Variants in SETDB1 observed in about 807,000 individuals in gnomAD.
The protein encoded by SETDB1 is histone-lysine N-methyltransferase SETDB1.
A neutral mutation model predicts 137.4 loss-of-function variants in SETDB1; 31 were observed. The ratio of observed to expected loss-of-function variants is 0.23; its 90% CI spans 0.17 to 0.30. The LOEUF is 0.30. Ranked by LOEUF, SETDB1 falls within the 10% of genes least tolerant of loss-of-function variation. The pLI is 1.00. For synonymous variants in SETDB1, 548 were observed against 579.9 expected (o/e 0.95, Z 0.79); for missense variants, 1,113 against 1,631.5 (o/e 0.68, Z 5.47).
At chr1:150,955,238 AT>A (rs753543795) in intron 14 of SETDB1, among the ~76,000 whole-genome samples, 4 of 152,248 alleles carry the variant, frequency 2.6e-5, no homozygotes, top group Non-Finnish European at 4.4e-5. Flanking sequence ...GAGTGTTCAT[AT>A]CTTTTTTACA....
Position 150,951,501 on chromosome 1 carries a change from C to A in SETDB1, c.2333+20C>A. On this transcript the variant is annotated intron_variant, in intron 14 of 21. Transcript: ENST00000692827. ...CACAGGGTAAGTGGTCAAGGAATGGCACAGTACCTCAGAGAGACTGAGGAG... is the reference window on the plus strand; with the variant it reads ...CACAGGGTAAGTGGTCAAGGAATGGAACAGTACCTCAGAGAGACTGAGGAG... 2 of 1,217,220 alleles carry A rather than the reference C, an allele frequency of 1.6e-6. No individual in the cohort carries two copies. The highest frequency in any genetic ancestry group is 2.4e-6 in the Non-Finnish European group (2 of 818,090). 75.4% of individuals were successfully genotyped at this position (1,217,220 alleles called of 1,614,324 possible).
rs763582266 is a variant in SETDB1 at position 150,951,113 on chromosome 1, T to C, written c.2216+23T>C. 5 of 1,589,574 alleles carry C rather than the reference T, an allele frequency of 3.1e-6. No individual in the cohort carries two copies. The South Asian group carries it at 3.4e-5, about 11-fold the overall frequency. Reference sequence around the variant, plus strand: ...CAAGTGAGTTGGTGGGGGGAATTGCTGCCCCTGCTTCCAACTTTGTTATGG... The same window carrying C: ...CAAGTGAGTTGGTGGGGGGAATTGCCGCCCCTGCTTCCAACTTTGTTATGG... On this transcript the variant is annotated intron_variant, in intron 13 of 21. Coordinates refer to ENST00000692827, the MANE Select transcript of SETDB1 (RefSeq NM_001366418.1).
At chr1:150,962,830 T>C in intron 18 of SETDB1, 111 bp downstream of exon 18, 4 of 1,460,796 alleles carry the variant, frequency 2.7e-6, no homozygotes, top group Non-Finnish European at 3.8e-6. Flanking sequence ...TCTTTAGCCT[T>C]GACTTCCTGC....
At chr1:150,946,221 G>A (rs587657373) in intron 9 of SETDB1, among the ~76,000 whole-genome samples, 12 of 151,882 alleles carry the variant, frequency 7.9e-5, no homozygotes, top group African/African-American at 2.7e-4. Context: ...GTTTCGCCAT[G>A]TTGCCCAGGC....
intron 14 of SETDB1, among the ~76,000 whole-genome samples, chr1:150,951,784 G>A (rs1028196312): frequency 6.6e-6 from 1 of 152,178 alleles, no homozygotes; most frequent in Non-Finnish European, 1.5e-5. Context: ...ACACTTGTAA[G>A]TGAAATGTGT....
intron 7 of SETDB1, among the ~76,000 whole-genome samples, chr1:150,943,590 TC>T (rs1355534432): frequency 1.3e-5 from 2 of 152,080 alleles, no homozygotes; most frequent in African/African-American, 4.8e-5. Flanking sequence ...GCAGGAGAAT[TC>T]CTTGAACCTG....
Position 150,950,599 on chromosome 1 carries a change from A to G in SETDB1, c.1725A>G (p.Leu575=). ...CTCCCATGGAGAAGCTTTTCTACTT[A>G]CCTCATGTCTGCAGCTATACCTGTC... ...YRAPMEKLFY[L]PHVCSYTCLS... The change falls in exon 13 of 22, where the codon TTA becomes TTG. Residue 575 remains leucine (L), a synonymous_variant. Transcript: ENST00000692827. 1 of 1,614,030 alleles carries G rather than the reference A, an allele frequency of 6.2e-7. No individual in the cohort carries two copies. Among genetic ancestry groups the G allele is most frequent in the Non-Finnish European group, 8.5e-7 (1 of 1,180,030 alleles).
At chr1:150,963,345 C>T (rs1468909797) in intron 19 of SETDB1, 185 bp from the exon 20 acceptor site, 4 of 729,140 alleles carry the variant, frequency 5.5e-6, no homozygotes, top group African/African-American at 3.5e-5. Flanking sequence ...CCCCTCAGCT[C>T]CTTTGTCTAG....
At chr1:150,963,959 C>A in intron 20 of SETDB1, 36 bp from the exon 21 acceptor site, 3 of 1,592,334 alleles carry the variant, frequency 1.9e-6, no homozygotes, top group Non-Finnish European at 2.6e-6. Flanking sequence ...GTTCAGTTTC[C>A]CTGGTTCTTA....
chr1:150,943,269 A>G (rs925489551), intron 7 of SETDB1, among the ~76,000 whole-genome samples: 1 of 152,118 alleles, frequency 6.6e-6, no homozygotes, highest in South Asian at 2.1e-4. Context: ...AGAGAAAACT[A>G]GGAAGAGAAT....
chr1:150,935,715 C>G (rs1669924863), intron 3 of SETDB1, among the ~76,000 whole-genome samples: 1 of 152,216 alleles, frequency 6.6e-6, no homozygotes. Flanking sequence ...TTCATAGTTT[C>G]AGTTTCTCTT....
Position 150,930,112 on chromosome 1 carries a change from G to A in SETDB1, c.406G>A (p.Asp136Asn). The change falls in exon 3 of 22, where the codon GAT becomes AAT. Residue 136 changes from aspartate to asparagine, a missense_variant. Asp to Asn is a conservative substitution (Grantham distance 23). Transcript: ENST00000692827. ...TGAAGATGATGATGTCCTCAGTATT[G>A]ATTCAGGTAAGGGATGAGCTTTGGA... is the stretch of plus-strand genomic sequence containing the variant. ...PDEDDDVLSI[D>N]SGDAGSRTPK... 1 of 1,613,450 alleles carries A rather than the reference G, an allele frequency of 6.2e-7. No homozygotes were observed.
At position 150,942,698 on chromosome 1, in the gene SETDB1, A is replaced by G. The variant is rs753784741; in HGVS notation, c.673+10A>G. 3 of 1,609,128 alleles carry G rather than the reference A, an allele frequency of 1.9e-6. No individual in the cohort carries two copies. The highest frequency in any genetic ancestry group is 3.4e-5 in the Admixed American group (2 of 59,140). On this transcript the variant is annotated intron_variant, in intron 6 of 21. Coordinates refer to ENST00000692827, the MANE Select transcript of SETDB1 (RefSeq NM_001366418.1). ...GCCATCCAGACAGTTGGTATGTGCAAACTTGGAGGAACCACTCCTGAAAGG... is the reference window on the plus strand; with the variant it reads ...GCCATCCAGACAGTTGGTATGTGCAGACTTGGAGGAACCACTCCTGAAAGG...
intron 8 of SETDB1, among the ~76,000 whole-genome samples, chr1:150,944,694 A>G (rs921135737): frequency 3.9e-5 from 6 of 152,204 alleles, no homozygotes; most frequent in Non-Finnish European, 8.8e-5. Flanking sequence ...TGAATCACCT[A>G]TATTGTACAT....
chr1:150,951,357 T>C lies in SETDB1; in HGVS notation c.2217-8T>C, dbSNP rs770973802. The C allele has an allele frequency of 5.1e-6, 8 of 1,580,528 alleles. No homozygotes were observed. In the Admixed American group the frequency reaches 1.3e-4, roughly 26 times the overall value. On this transcript the variant is annotated splice_polypyrimidine_tract_variant and splice_region_variant and intron_variant, in intron 13 of 21. Transcript: ENST00000692827. Reference sequence around the variant, plus strand: ...CGCTCCTTTCCTTTATTTCCCTCTGTCATATAGGTCCAAGTGTGCCTGCCA... The same window carrying C: ...CGCTCCTTTCCTTTATTTCCCTCTGCCATATAGGTCCAAGTGTGCCTGCCA...
rs1670435357 is a variant in SETDB1, at chr1:150,949,487, T to C, written c.1545T>C (p.Asn515=). The change falls in exon 12 of 22, where the codon AAT becomes AAC. Residue 515 remains asparagine, a synonymous_variant. Coordinates refer to ENST00000692827, the MANE Select transcript of SETDB1 (RefSeq NM_001366418.1). Reference sequence around the variant, plus strand: ...CTACATCTCCTGCACTCAGTGAAAATGTCTCTGGTGGGAAACCTGGGATCA... The same window carrying C: ...CTACATCTCCTGCACTCAGTGAAAACGTCTCTGGTGGGAAACCTGGGATCA... ...SSPTSPALSE[N]VSGGKPGINQ... is the part of the protein sequence containing the mutation. 6.2e-7 allele frequency: 1 copy of C among 1,614,080 alleles called. No homozygotes were observed. Among genetic ancestry groups the C allele is most frequent in the Non-Finnish European group, 8.5e-7 (1 of 1,180,016 alleles).
intron 11 of SETDB1, 27 bp downstream of exon 11, chr1:150,949,305 A>G (rs181139459): frequency 1.2e-6 from 2 of 1,612,074 alleles, no homozygotes; most frequent in Admixed American, 1.7e-5. Flanking sequence ...CTTTTTCTTC[A>G]GTTTCTTTCA....
chr1:150,946,331 A>T (rs1033882866), intron 9 of SETDB1, among the ~76,000 whole-genome samples: 4 of 152,072 alleles, frequency 2.6e-5, no homozygotes, highest in African/African-American at 4.8e-5. Context: ...CATACCTCTT[A>T]TACTCAGTAT....
rs1670474239 is a variant in SETDB1, at chr1:150,950,892, C to T, written c.2018C>T (p.Pro673Leu). 6.2e-7 allele frequency: 1 copy of T among 1,614,060 alleles called. No homozygotes were observed. Among genetic ancestry groups the T allele is most frequent in the Non-Finnish European group, 8.5e-7 (1 of 1,180,022 alleles). Reference sequence around the variant, plus strand: ...GTTCTTGTGGACCGAAAGTTTCAGCCCTATAAGCCTTTTTACTATATTTTG... The same window carrying T: ...GTTCTTGTGGACCGAAAGTTTCAGCTCTATAAGCCTTTTTACTATATTTTG... Reference protein sequence around the residue: ...PYVLVDRKFQPYKPFYYILDI... With the variant: ...PYVLVDRKFQLYKPFYYILDI... The change falls in exon 13 of 22, where the codon CCC (proline) becomes CTC (leucine). Residue 673 changes from proline to leucine, a missense_variant. This residue lies in a region of SETDB1 where 55 missense variants were observed against 118.5 expected (regional missense o/e 0.46). Transcript: ENST00000692827.
Sources: allele counts gnomAD v4.1 joint callset (sites outside exome capture counted in the v4.1 genomes callset), GRCh38; gene constraint gnomAD v4.1.1; regional missense constraint gnomAD v4.1.1; transcripts MANE v1.5; gene names NCBI Gene and HGNC (gene_info 2026-07-23, HGNC 2026-07-21).